Variants in PTPRD observed in about 807,000 individuals in gnomAD.
The protein encoded by PTPRD is protein tyrosine phosphatase receptor type D.
Under a neutral mutation model 214.5 loss-of-function variants are expected in PTPRD, and 34 were observed. The observed-to-expected ratio is 0.16, with a 90% CI of 0.12 to 0.21. The LOEUF is 0.21. Ranked by LOEUF, PTPRD falls within the 10% of genes least tolerant of loss-of-function variation. The probability of loss-of-function intolerance (pLI) is 1.00; values close to 1 mark genes in which losing one functional copy is unlikely to be tolerated. For missense variants in PTPRD, 2,545 were observed against 2,398.7 expected, an observed-to-expected ratio of 1.06 and a Z score of -1.27; for synonymous variants, 1,128 against 845.7, an observed-to-expected ratio of 1.33 and a Z score of -5.79.
intron 12 of PTPRD, among the ~76,000 whole-genome samples, chr9:8,663,804 T>G (rs1256069831): frequency 1.3e-5 from 2 of 152,088 alleles, no homozygotes; most frequent in Non-Finnish European, 2.9e-5. Context: ...AATAGTATAT[T>G]TGAAACATGA....
At chr9:8,453,917 G>A (rs1181187863) in intron 33 of PTPRD, among the ~76,000 whole-genome samples, 1 of 152,084 alleles carries the variant, frequency 6.6e-6, no homozygotes, top group Non-Finnish European at 1.5e-5. Context: ...GATGTTTTTT[G>A]TAGTTTAATT....
At chr9:9,880,505 A>T (rs2068320755) in intron 5 of PTPRD, among the ~76,000 whole-genome samples, 1 of 152,196 alleles carries the variant, frequency 6.6e-6, no homozygotes, top group Non-Finnish European at 1.5e-5. Context: ...TTATATACAA[A>T]TTAAAATTAT....
intron 4 of PTPRD, among the ~76,000 whole-genome samples, chr9:9,950,919 C>T (rs2093395950): frequency 6.6e-6 from 1 of 152,000 alleles, no homozygotes; most frequent in South Asian, 2.1e-4. Context: ...TCTGGGAAAA[C>T]TAGGTTAAAG....
At chr9:10,586,300 C>G (rs2073866976) in intron 2 of PTPRD, among the ~76,000 whole-genome samples, 2 of 151,794 alleles carry the variant, frequency 1.3e-5, no homozygotes, top group Non-Finnish European at 2.9e-5. Context: ...AATCATACAC[C>G]TTTGTAACCT....
At chr9:9,153,388 T>C (rs1388698766) in intron 10 of PTPRD, among the ~76,000 whole-genome samples, 1 of 152,194 alleles carries the variant, frequency 6.6e-6, no homozygotes, top group Admixed American at 6.6e-5. Context: ...TGAGTATATG[T>C]GTGTGAGGAT....
chr9:8,505,534 A>G (rs546554582), intron 22 of PTPRD, among the ~76,000 whole-genome samples: 157 of 146,460 alleles, frequency 1.1e-3, no homozygotes, highest in African/African-American at 3.9e-3. Context: ...AGGCAGGAGG[A>G]TGGCGTGAAC....
intron 3 of PTPRD, among the ~76,000 whole-genome samples, chr9:10,060,571 T>A (rs1372562530): frequency 6.6e-6 from 1 of 151,970 alleles, no homozygotes; most frequent in Non-Finnish European, 1.5e-5. Context: ...AGTATTTTTT[T>A]AATGTACATA....
intron 5 of PTPRD, among the ~76,000 whole-genome samples, chr9:9,842,161 A>G (rs762993892): frequency 3.9e-5 from 6 of 152,002 alleles, no homozygotes; most frequent in Non-Finnish European, 7.4e-5. Context: ...TTGAGAATTT[A>G]TGCTTAAATT....
chr9:8,647,887 T>C (rs560376811), intron 12 of PTPRD, among the ~76,000 whole-genome samples: 9 of 152,318 alleles, frequency 5.9e-5, no homozygotes, highest in African/African-American at 1.7e-4. Context: ...AACCAGTAAA[T>C]GTTCGTAGAC....
intron 2 of PTPRD, among the ~76,000 whole-genome samples, chr9:10,530,494 C>T (rs1311026938): frequency 6.6e-6 from 1 of 152,014 alleles, no homozygotes; most frequent in Non-Finnish European, 1.5e-5. Flanking sequence ...ACACTTACCA[C>T]GTTTTGAATG....
rs188784240 is a variant in PTPRD at position 9,331,636 on chromosome 9, A to G, written c.-203+65813T>C. 1.1e-3 allele frequency among the ~76,000 whole-genome samples: 161 copies of G among 152,146 alleles called. 2 individuals are homozygous for G. In the East Asian group the frequency reaches 0.028, roughly 26 times the overall value. ...AGCCAGAGAATACCGTCTTGCTAAG[A>G]TTCTCAGAGTGTACCAATAACAACG... On this transcript the variant is annotated intron_variant, in intron 9 of 45. Transcript: ENST00000381196.
At chr9:9,541,483 G>C (rs973537433) in intron 8 of PTPRD, among the ~76,000 whole-genome samples, 2 of 151,808 alleles carry the variant, frequency 1.3e-5, no homozygotes, top group African/African-American at 4.8e-5. Flanking sequence ...ATATCATGTA[G>C]AGCAGAAATG....
At chr9:9,834,188 C>T (rs1013129027) in intron 5 of PTPRD, among the ~76,000 whole-genome samples, 4 of 152,074 alleles carry the variant, frequency 2.6e-5, no homozygotes, top group African/African-American at 9.7e-5. Context: ...CGTTCTTCTG[C>T]CATGGCTTCA....
At chr9:9,528,816 G>A (rs994663348) in intron 8 of PTPRD, among the ~76,000 whole-genome samples, 5 of 149,280 alleles carry the variant, frequency 3.3e-5, no homozygotes, top group African/African-American at 1.3e-4. Flanking sequence ...TTATAGTACT[G>A]TGGGAAAAAA....
intron 4 of PTPRD, among the ~76,000 whole-genome samples, chr9:9,994,555 G>A (rs1244990684): frequency 1.3e-5 from 2 of 151,698 alleles, no homozygotes; most frequent in Non-Finnish European, 2.9e-5. Flanking sequence ...ATCTGTTAAA[G>A]GACAAAGAAC....
chr9:8,592,282 T>G lies in PTPRD; in HGVS notation c.352+41035A>C, dbSNP rs558121918. On this transcript the variant is annotated intron_variant, in intron 14 of 45. Transcript: ENST00000381196. ...AAGTACACCCCCAAATTCAACCCAC[T>G]CACACAAACCTGACTTGATCATGTA... 1.1e-3 allele frequency among the ~76,000 whole-genome samples: 170 copies of G among 152,256 alleles called. 1 individual carries two copies. The highest frequency in any genetic ancestry group is 1.7e-3 in the Non-Finnish European group (118 of 67,996).
At chr9:10,038,973 C>A (rs1166132437) in intron 3 of PTPRD, among the ~76,000 whole-genome samples, 1 of 151,970 alleles carries the variant, frequency 6.6e-6, no homozygotes, top group African/African-American at 2.4e-5. Context: ...ACACTTTATT[C>A]TTTTGTTGCT....
intron 5 of PTPRD, among the ~76,000 whole-genome samples, chr9:9,930,476 T>C (rs959882562): frequency 6.6e-5 from 10 of 152,164 alleles, no homozygotes; most frequent in Non-Finnish European, 7.3e-5. Context: ...TATGTTTGAG[T>C]TTTCAAATGT....
At chr9:9,095,342 T>G (rs1166317997) in intron 10 of PTPRD, among the ~76,000 whole-genome samples, 1 of 152,196 alleles carries the variant, frequency 6.6e-6, no homozygotes, top group Non-Finnish European at 1.5e-5. Flanking sequence ...TATGACTGTC[T>G]ACATAGAAAA....
Sources: allele counts gnomAD v4.1 joint callset (sites outside exome capture counted in the v4.1 genomes callset), GRCh38; gene constraint gnomAD v4.1.1; transcripts MANE v1.5; gene names NCBI Gene and HGNC (gene_info 2026-07-23, HGNC 2026-07-21).